Variants in RIMS2 observed in about 807,000 individuals in gnomAD.
RIMS2 encodes the protein regulating synaptic membrane exocytosis 2, also known as regulating synaptic membrane exocytosis protein 2.
In RIMS2, 59 loss-of-function variants were observed where a neutral mutation model predicts 174.4. The observed-to-expected ratio is 0.34, with a 90% CI of 0.27 to 0.42. RIMS2 has a LOEUF of 0.42. RIMS2 is among the 10% of genes least tolerant of loss of function. RIMS2 has a pLI of 1.00. For synonymous variants in RIMS2, 606 were observed against 572.5 expected, an observed-to-expected ratio of 1.06 and a Z score of -0.84; for missense variants, 1,620 against 1,666.3, an observed-to-expected ratio of 0.97 and a Z score of 0.48.
intron 19 of RIMS2, among the ~76,000 whole-genome samples, chr8:104,029,770 T>C (rs2096347311): frequency 6.6e-6 from 1 of 152,146 alleles, no homozygotes; most frequent in Non-Finnish European, 1.5e-5. Flanking sequence ...ATTTATGAAA[T>C]GGCAAAAGGT....
chr8:103,709,569 A>G (rs1018631349), intron 2 of RIMS2, among the ~76,000 whole-genome samples: 4 of 152,208 alleles, frequency 2.6e-5, no homozygotes, highest in African/African-American at 4.8e-5. Flanking sequence ...ATTCTCCTCT[A>G]CAGAGGAAAG....
chr8:103,534,330 T>C (rs1181369541), intron 1 of RIMS2, among the ~76,000 whole-genome samples: 1 of 152,240 alleles, frequency 6.6e-6, no homozygotes, highest in Non-Finnish European at 1.5e-5. Flanking sequence ...GCTCAGACTA[T>C]AGTATCAACC....
At chr8:104,027,061 T>A (rs992614016) in intron 19 of RIMS2, among the ~76,000 whole-genome samples, 1 of 152,144 alleles carries the variant, frequency 6.6e-6, no homozygotes. Flanking sequence ...TTGAGCAGGA[T>A]GGACATTCAG....
chr8:103,854,624 A>G (rs898915761), intron 3 of RIMS2, among the ~76,000 whole-genome samples: 5 of 151,666 alleles, frequency 3.3e-5, no homozygotes, highest in Admixed American at 6.6e-5. Context: ...TGAGATGAAC[A>G]TATGCTTTTT....
rs1047180249 is a variant in RIMS2, at chr8:104,084,229, T to A, written c.3334+69614T>A. On this transcript the variant is annotated intron_variant, in intron 19 of 23. Transcript: ENST00000504942. ...GCCGAGGCGGGTGGATCACTTGACG[T>A]CAGGAGTTGAAGACCACCCTGGCCA... Among the ~76,000 whole-genome samples the A allele has an allele frequency of 2.6e-5, 4 of 151,784 alleles. No individual in the cohort carries two copies. The South Asian group carries it at 8.3e-4, about 32-fold the overall frequency.
rs1021613114 is a variant in RIMS2, at chr8:104,107,767, G to A, written c.3334+93152G>A. Among the ~76,000 whole-genome samples the A allele has an allele frequency of 6.6e-5, 10 of 152,192 alleles. No individual in the cohort carries two copies. The East Asian group carries it at 1.7e-3, about 26-fold the overall frequency. On this transcript the variant is annotated intron_variant, in intron 19 of 23. Coordinates refer to ENST00000504942, the Ensembl canonical transcript of RIMS2. Reference sequence around the variant, plus strand: ...GTTCAAGACCATCCTGGGCAACACAGCAAGACTCCATCTCTACAAAAACTT... The same window carrying A: ...GTTCAAGACCATCCTGGGCAACACAACAAGACTCCATCTCTACAAAAACTT...
At chr8:103,586,252 A>G (rs2093915178) in intron 1 of RIMS2, among the ~76,000 whole-genome samples, 1 of 152,208 alleles carries the variant, frequency 6.6e-6, no homozygotes, top group South Asian at 2.1e-4. Flanking sequence ...AATGGATCTA[A>G]TATTTATTTA....
At position 104,178,005 on chromosome 8, in the gene RIMS2, C is replaced by T. The variant is rs530689330; in HGVS notation, c.3335-66911C>T. ...CATATGGAAGCAGACAAGAAATGAG[C>T]TAGAGTCTAGGAGACTCTGAGTTTT... On this transcript the variant is annotated intron_variant, in intron 19 of 23. Transcript: ENST00000504942. 3.9e-5 allele frequency among the ~76,000 whole-genome samples: 6 copies of T among 152,194 alleles called. No individual in the cohort carries two copies. In the South Asian group the frequency reaches 1.2e-3, roughly 32 times the overall value.
chr8:104,169,439 T>A (rs1461145573), intron 19 of RIMS2, among the ~76,000 whole-genome samples: 1 of 151,304 alleles, frequency 6.6e-6, no homozygotes, highest in Non-Finnish European at 1.5e-5. Context: ...AATTTACCCA[T>A]CTCCTCCAGA....
intron 19 of RIMS2, among the ~76,000 whole-genome samples, chr8:104,020,436 A>G (rs2096059237): frequency 6.6e-6 from 1 of 152,060 alleles, no homozygotes; most frequent in African/African-American, 2.4e-5. Context: ...AAGCATAAGT[A>G]TTAGTCTCAA....
At chr8:103,685,088 C>G (rs1393774012) in intron 1 of RIMS2, among the ~76,000 whole-genome samples, 2 of 147,258 alleles carry the variant, frequency 1.4e-5, no homozygotes. Flanking sequence ...GTTTTTTACA[C>G]ATGGATTTTC....
intron 2 of RIMS2, 33 bp from the exon 5 acceptor site, chr8:103,716,274 CTT>C (rs1235315106): frequency 5.9e-5 from 9 of 151,818 alleles, no homozygotes; most frequent in African/African-American, 2.2e-4. Flanking sequence ...TCTTTTCTGT[CTT>C]TTCTAACTTG....
chr8:103,685,104 C>CTT (rs58008098), intron 1 of RIMS2, among the ~76,000 whole-genome samples: 20 of 139,076 alleles, frequency 1.4e-4, no homozygotes, highest in Middle Eastern at 3.8e-3. Flanking sequence ...TTTTCTTTTT[C>CTT]TTTTTTTTTT....
intron 3 of RIMS2, among the ~76,000 whole-genome samples, chr8:103,877,746 AT>A (rs972494191): frequency 7.3e-5 from 11 of 149,994 alleles, no homozygotes; most frequent in Admixed American, 1.3e-4. Flanking sequence ...GAACGTTAGG[AT>A]TTTTTTTTAA....
intron 19 of RIMS2, among the ~76,000 whole-genome samples, chr8:104,120,251 C>T (rs1035283302): frequency 6.6e-5 from 10 of 152,132 alleles, no homozygotes; most frequent in Admixed American, 3.3e-4. Context: ...AAATCCAAAG[C>T]ATATGAGCTA....
chr8:104,127,439 G>C (rs946453242), intron 19 of RIMS2, among the ~76,000 whole-genome samples: 3 of 152,140 alleles, frequency 2.0e-5, no homozygotes, highest in Non-Finnish European at 4.4e-5. Context: ...CACTATATTG[G>C]AAGAGTGAAT....
intron 19 of RIMS2, among the ~76,000 whole-genome samples, chr8:104,217,385 C>T (rs937106259): frequency 6.6e-6 from 1 of 152,100 alleles, no homozygotes; most frequent in African/African-American, 2.4e-5. Flanking sequence ...CCTCCCGCCT[C>T]AGCTCCCCAA....
At chr8:103,704,633 G>A (rs1425280622) in intron 2 of RIMS2, among the ~76,000 whole-genome samples, 1 of 151,870 alleles carries the variant, frequency 6.6e-6, no homozygotes, top group Non-Finnish European at 1.5e-5. Context: ...TTTTTATTAT[G>A]GCTTCAATCT....
intron 1 of RIMS2, among the ~76,000 whole-genome samples, chr8:103,571,058 C>G (rs1040151888): frequency 6.6e-6 from 1 of 151,906 alleles, no homozygotes; most frequent in African/African-American, 2.4e-5. Context: ...TGTATAAATT[C>G]TCACTCATTT....
Sources: gnomAD v4.1 joint callset for allele counts (sites outside exome capture counted in the v4.1 genomes callset) on GRCh38, gnomAD v4.1.1 for gene constraint, MANE v1.5 for transcripts, NCBI Gene and HGNC (gene_info 2026-07-23, HGNC 2026-07-21) for gene names.